Variants in NAV2 observed in about 807,000 individuals in gnomAD.
NAV2 encodes neuron navigator 2.
NAV2 carries 54 observed loss-of-function variants against 223.2 expected under a neutral mutation model. The ratio of observed to expected loss-of-function variants is 0.24; its 90% CI spans 0.19 to 0.30. The LOEUF is 0.30. Ranked by LOEUF, NAV2 falls within the 10% of genes least tolerant of loss-of-function variation. The pLI is 1.00. For missense variants in NAV2, 2,806 were observed against 3,147.5 expected (o/e 0.89, Z 2.60); for synonymous variants, 1,279 against 1,239.3 (o/e 1.03, Z -0.67).
chr11:19,744,702 A>G (rs886371897), intron 1 of NAV2, among the ~76,000 whole-genome samples: 1 of 152,180 alleles, frequency 6.6e-6, no homozygotes, highest in Non-Finnish European at 1.5e-5. Context: ...GAAAATTTGT[A>G]CAAAAACAAG....
rs1239660041 is a variant in NAV2, at chr11:20,079,997, C to A, written c.5180-67C>A. 7.0e-6 allele frequency: 11 copies of A among 1,579,316 alleles called. No individual in the cohort carries two copies. The East Asian group carries it at 2.5e-4, about 35-fold the overall frequency. ...AGGTGGGTGGGTTTTGCTTAAAGGGCAAAATCCTGAGATAAAGAATAGGGC... is the reference window on the plus strand; with the variant it reads ...AGGTGGGTGGGTTTTGCTTAAAGGGAAAAATCCTGAGATAAAGAATAGGGC... On this transcript the variant is annotated intron_variant, in intron 24 of 37. Transcript: ENST00000349880.
Position 19,933,954 on chromosome 11 carries a change from A to G in NAV2, c.1710A>G (p.Lys570=), listed in dbSNP as rs1372989. The change falls in exon 7 of 38, where the codon AAA becomes AAG. Residue 570 remains lysine, a synonymous_variant. Coordinates refer to ENST00000349880, the MANE Select transcript of NAV2 (RefSeq NM_145117.5). The surrounding 1 kb of genome is among the most constrained non-coding windows in gnomAD (Gnocchi z 4.3). ...SHSGIPKPGM[K]SMPGKSPSAP... is the part of the protein sequence containing the mutation. ...GTGGAATACCAAAACCAGGAATGAA[A>G]AGCATGCCCGGGAAATCCCCAAGTG... 0.88 allele frequency: 1,404,893 copies of G among 1,595,752 alleles called. 624,971 individuals carry two copies. Among genetic ancestry groups the G allele is most frequent in the Non-Finnish European group, 0.92 (1,084,392 of 1,172,936 alleles).
At chr11:19,484,765 A>G (rs1262416012) in intron 1 of NAV2, among the ~76,000 whole-genome samples, 1 of 152,168 alleles carries the variant, frequency 6.6e-6, no homozygotes, top group Admixed American at 6.5e-5. Flanking sequence ...TCAGGCAGAG[A>G]AAGTGTTGAT....
intron 6 of NAV2, among the ~76,000 whole-genome samples, chr11:19,922,982 C>T (rs1004842112): frequency 1.4e-4 from 21 of 152,326 alleles, no homozygotes; most frequent in Admixed American, 1.2e-3. Flanking sequence ...TAGTAACCTA[C>T]TTCCTATTTT....
rs11025377 is a variant in NAV2 at position 20,074,318 on chromosome 11, T to G, written c.4984-3234T>G. 7.7e-3 allele frequency among the ~76,000 whole-genome samples: 1,173 copies of G among 152,332 alleles called. 10 individuals are homozygous for G. The highest frequency in any genetic ancestry group is 0.027 in the African/African-American group (1,117 of 41,562). On this transcript the variant is annotated intron_variant, in intron 22 of 37. Coordinates refer to ENST00000349880, the MANE Select transcript of NAV2 (RefSeq NM_145117.5). ...AGAGTCTGTTTGCTATGATTTCCAT[T>G]CTTTTGCATTTGCTGAGGAGTGTTT... is the stretch of plus-strand genomic sequence containing the variant.
chr11:19,892,071 G>T (rs1432706342), intron 5 of NAV2, among the ~76,000 whole-genome samples: 1 of 152,154 alleles, frequency 6.6e-6, no homozygotes, highest in Non-Finnish European at 1.5e-5. Context: ...TGATTCTCCT[G>T]TCTCAGCTTC....
At chr11:19,747,928 C>T (rs541078526) in intron 1 of NAV2, among the ~76,000 whole-genome samples, 3 of 152,196 alleles carry the variant, frequency 2.0e-5, no homozygotes, top group Non-Finnish European at 4.4e-5. Context: ...AGGCCTCTGT[C>T]TGCTGCCCCT....
chr11:19,844,927 TAGCAGAGAGTAGTTC>T (rs1278793691), intron 3 of NAV2, among the ~76,000 whole-genome samples: 4 of 152,120 alleles, frequency 2.6e-5, no homozygotes, highest in Non-Finnish European at 5.9e-5. Context: ...GTGGTAAGCC[TAGCAGAGAGTAGTTC>T]AGCGTACAGG....
chr11:20,029,114 T>C (rs2055421417), intron 11 of NAV2, among the ~76,000 whole-genome samples: 2 of 152,224 alleles, frequency 1.3e-5, no homozygotes, highest in Admixed American at 1.3e-4. Context: ...GACCATTCAG[T>C]GTGGAGACCT....
chr11:20,091,541 G>A (rs2060851193), intron 27 of NAV2, among the ~76,000 whole-genome samples: 1 of 152,170 alleles, frequency 6.6e-6, no homozygotes, highest in Non-Finnish European at 1.5e-5. Flanking sequence ...GAGTATTCCT[G>A]TAGATTTGTT....
intron 1 of NAV2, among the ~76,000 whole-genome samples, chr11:19,405,545 T>G (rs12364788): frequency 0.3 from 45,895 of 152,116 alleles, 7,179 homozygotes; most frequent in Admixed American, 0.33. Flanking sequence ...TTCCTCCTTC[T>G]GTATACTGTT....
At chr11:19,515,890 G>A (rs536259891) in intron 1 of NAV2, among the ~76,000 whole-genome samples, 1 of 152,334 alleles carries the variant, frequency 6.6e-6, no homozygotes, top group South Asian at 2.1e-4. Context: ...AAGGAATCAA[G>A]GTTGATTCCA....
At chr11:19,410,334 A>G (rs559674413) in intron 1 of NAV2, among the ~76,000 whole-genome samples, 147 of 152,290 alleles carry the variant, frequency 9.7e-4, no homozygotes, top group African/African-American at 3.5e-3. Flanking sequence ...TTATATATTC[A>G]ACACACGCTT....
chr11:19,603,734 GA>G (rs1211086487), intron 1 of NAV2, among the ~76,000 whole-genome samples: 1 of 151,792 alleles, frequency 6.6e-6, no homozygotes, highest in Non-Finnish European at 1.5e-5. Flanking sequence ...AGGGAGAGAG[GA>G]AAAAAAGCAG....
chr11:20,041,698 G>A (rs751592713), intron 12 of NAV2, among the ~76,000 whole-genome samples: 9 of 152,178 alleles, frequency 5.9e-5, no homozygotes, highest in South Asian at 2.1e-4. Flanking sequence ...TTCCTGGCAC[G>A]TAGTGGCACC....
intron 1 of NAV2, among the ~76,000 whole-genome samples, chr11:19,585,198 C>T (rs925372893): frequency 1.3e-5 from 2 of 152,144 alleles, no homozygotes; most frequent in African/African-American, 4.8e-5. Flanking sequence ...ACTAGGATTG[C>T]AACCCCTGCC....
chr11:19,419,274 A>G (rs909760065), intron 1 of NAV2, among the ~76,000 whole-genome samples: 4 of 152,212 alleles, frequency 2.6e-5, no homozygotes, highest in Non-Finnish European at 5.9e-5. Context: ...CTTTCTTACT[A>G]TCTTTAGAGG....
intron 1 of NAV2, among the ~76,000 whole-genome samples, chr11:19,547,472 A>G (rs566348366): frequency 6.6e-6 from 1 of 151,928 alleles, no homozygotes; most frequent in East Asian, 1.9e-4. Context: ...TCCCTTTCCC[A>G]CCACTGCTCT....
chr11:19,900,278 CA>C (rs755019871), intron 6 of NAV2, among the ~76,000 whole-genome samples: 62,500 of 151,668 alleles, frequency 0.41, 15,391 homozygotes, highest in Non-Finnish European at 0.54. Flanking sequence ...GAGGAATAAA[CA>C]AGAAGTTGTA....
Sources: gnomAD v4.1 joint callset for allele counts (sites outside exome capture counted in the v4.1 genomes callset) on GRCh38, gnomAD v4.1.1 for gene constraint, Gnocchi (gnomAD v3.1) non-coding constraint, MANE v1.5 for transcripts, NCBI Gene and HGNC (gene_info 2026-07-23, HGNC 2026-07-21) for gene names.